Variants in DLGAP2 observed in about 807,000 individuals in gnomAD.
DLGAP2 encodes DLG associated protein 2, also known as disks large-associated protein 2.
A neutral mutation model predicts 100.3 loss-of-function variants in DLGAP2; 26 were observed. The ratio of observed to expected loss-of-function variants is 0.26; its 90% CI spans 0.19 to 0.36. The LOEUF is 0.36. Among genes scored for constraint, DLGAP2 ranks in the 10% least tolerant of loss-of-function variants. The pLI, the probability that DLGAP2 is intolerant of heterozygous loss-of-function variation, is 1.00. For missense variants in DLGAP2, 1,858 were observed against 1,453.2 expected, an observed-to-expected ratio of 1.28 and a Z score of -4.53; for synonymous variants, 886 against 630.1, an observed-to-expected ratio of 1.41 and a Z score of -6.08.
intron 3 of DLGAP2, among the ~76,000 whole-genome samples, chr8:1,321,425 GTGCT>G (rs1392953113): frequency 6.6e-6 from 1 of 152,134 alleles, no homozygotes; most frequent in Non-Finnish European, 1.5e-5. Context: ...GTGTCTGTGT[GTGCT>G]TGCATCCATG....
At chr8:1,225,177 C>A (rs1348864191) in intron 2 of DLGAP2, among the ~76,000 whole-genome samples, 1 of 152,192 alleles carries the variant, frequency 6.6e-6, no homozygotes, top group Admixed American at 6.5e-5. Context: ...GGGGAACCAC[C>A]TGGATGTCCA....
chr8:1,578,103 T>G lies in DLGAP2; in HGVS notation c.1442+12209T>G, dbSNP rs557792093. ...TTGAAAGTAATTGGATACAGTGCACTGAGTGTTTTTCTCTTTTTTGCACAA... is the reference window on the plus strand; with the variant it reads ...TTGAAAGTAATTGGATACAGTGCACGGAGTGTTTTTCTCTTTTTTGCACAA... On this transcript the variant is annotated intron_variant, in intron 6 of 14. Transcript: ENST00000637795. 3.3e-5 allele frequency among the ~76,000 whole-genome samples: 5 copies of G among 152,368 alleles called. No homozygotes were observed. The East Asian group carries it at 9.6e-4, about 29-fold the overall frequency.
rs944335702 is a variant in DLGAP2, at chr8:1,276,182, G to T, written c.106+17299G>T. 6.0e-5 allele frequency among the ~76,000 whole-genome samples: 9 copies of T among 149,270 alleles called. No individual in the cohort carries two copies. The South Asian group carries it at 1.9e-3, about 31-fold the overall frequency. On this transcript the variant is annotated intron_variant, in intron 3 of 14. Coordinates refer to ENST00000637795, the MANE Select transcript of DLGAP2 (RefSeq NM_001346810.2). ...GAGAGACTCAGGCATTGCTCAAGGAGTTGCTCTCTCTCAACTCCAATCAAC... is the reference window on the plus strand; with the variant it reads ...GAGAGACTCAGGCATTGCTCAAGGATTTGCTCTCTCTCAACTCCAATCAAC...
intron 1 of DLGAP2, among the ~76,000 whole-genome samples, chr8:825,163 C>T (rs1009807707): frequency 6.6e-6 from 1 of 152,170 alleles, no homozygotes; most frequent in Non-Finnish European, 1.5e-5. Context: ...CCCCACAGAA[C>T]CATCTGCAGG....
intron 3 of DLGAP2, among the ~76,000 whole-genome samples, chr8:1,293,876 A>C (rs1380747155): frequency 1.3e-5 from 2 of 152,208 alleles, no homozygotes; most frequent in East Asian, 3.9e-4. Flanking sequence ...AAAATAGTTT[A>C]TTGTCTTCAG....
chr8:977,154 C>T (rs940905186), intron 2 of DLGAP2, among the ~76,000 whole-genome samples: 1 of 152,250 alleles, frequency 6.6e-6, no homozygotes, highest in South Asian at 2.1e-4. Flanking sequence ...CACTTTCCTC[C>T]TCTTGCCTCC....
intron 3 of DLGAP2, among the ~76,000 whole-genome samples, chr8:1,410,097 C>T (rs1379009864): frequency 6.6e-6 from 1 of 152,154 alleles, no homozygotes. Context: ...GGTGTCCTCC[C>T]CAGGAATGCC....
At chr8:1,297,443 CAG>C (rs1283460596) in intron 3 of DLGAP2, among the ~76,000 whole-genome samples, 18,055 of 149,322 alleles carry the variant, frequency 0.12, 1,409 homozygotes, top group East Asian at 0.23. Context: ...CCACGCGAGA[CAG>C]GGAGGAGAAA....
At chr8:818,789 A>C (rs1796532973) in intron 1 of DLGAP2, among the ~76,000 whole-genome samples, 2 of 152,248 alleles carry the variant, frequency 1.3e-5, no homozygotes, top group Non-Finnish European at 2.9e-5. Context: ...AGAATCATAA[A>C]GTTAGAAGAA....
chr8:746,350 G>A (rs1820617645), intron 1 of DLGAP2, among the ~76,000 whole-genome samples: 2 of 152,256 alleles, frequency 1.3e-5, no homozygotes, highest in Admixed American at 1.3e-4. Context: ...GCCCTGTGAG[G>A]TCAGTGCTGG....
chr8:1,479,649 A>G (rs1799034426), intron 3 of DLGAP2, among the ~76,000 whole-genome samples: 1 of 152,112 alleles, frequency 6.6e-6, no homozygotes, highest in Non-Finnish European at 1.5e-5. Context: ...TGAGTCATTC[A>G]TTTCTGTGTC....
chr8:1,353,084 A>G (rs1041006752), intron 3 of DLGAP2, among the ~76,000 whole-genome samples: 5 of 152,164 alleles, frequency 3.3e-5, no homozygotes, highest in Admixed American at 3.3e-4. Context: ...GAAACGACGA[A>G]GGACCCCCCC....
At chr8:1,637,406 G>A (rs1797793869) in intron 8 of DLGAP2, among the ~76,000 whole-genome samples, 1 of 151,978 alleles carries the variant, frequency 6.6e-6, no homozygotes, top group Non-Finnish European at 1.5e-5. Context: ...AATAGGCTCA[G>A]AAACTGTTGC....
chr8:957,544 C>T (rs1228718836), intron 2 of DLGAP2, among the ~76,000 whole-genome samples: 1 of 152,270 alleles, frequency 6.6e-6, no homozygotes, highest in South Asian at 2.1e-4. Context: ...CATGTTCTAC[C>T]GTTAGAAACG....
intron 1 of DLGAP2, chr8:883,065 G>A (rs1797843396): frequency 6.6e-6 from 1 of 152,426 alleles, no homozygotes; most frequent in African/African-American, 2.4e-5. Flanking sequence ...TGCAGGGCCA[G>A]GTCAGATGAT....
chr8:1,230,369 A>G (rs1439841868), intron 2 of DLGAP2, among the ~76,000 whole-genome samples: 1 of 152,204 alleles, frequency 6.6e-6, no homozygotes, highest in African/African-American at 2.4e-5. Context: ...TAGATGGCAC[A>G]AGCAACCAAA....
intron 3 of DLGAP2, among the ~76,000 whole-genome samples, chr8:1,322,294 A>G (rs1800918951): frequency 6.6e-6 from 1 of 152,264 alleles, no homozygotes; most frequent in Non-Finnish European, 1.5e-5. Context: ...GCATACTGAA[A>G]AAACTTCGAA....
chr8:964,334 G>A (rs769816725), intron 2 of DLGAP2, among the ~76,000 whole-genome samples: 1 of 152,194 alleles, frequency 6.6e-6, no homozygotes, highest in East Asian at 1.9e-4. Context: ...AGCCCTGGTG[G>A]CGCTGTACTG....
chr8:1,131,962 G>A (rs1796304096), intron 2 of DLGAP2, among the ~76,000 whole-genome samples: 1 of 152,174 alleles, frequency 6.6e-6, no homozygotes, highest in South Asian at 2.1e-4. Flanking sequence ...GAATTAGAGA[G>A]GATCGATGGT....
Sources: gnomAD v4.1 joint callset for allele counts (sites outside exome capture counted in the v4.1 genomes callset) on GRCh38, gnomAD v4.1.1 for gene constraint, MANE v1.5 for transcripts, NCBI Gene and HGNC (gene_info 2026-07-23, HGNC 2026-07-21) for gene names.